Variants in ZIC4 observed in about 807,000 individuals in gnomAD.
The protein encoded by ZIC4 is zinc finger protein ZIC 4.
In ZIC4, 15 loss-of-function variants were observed where a neutral mutation model predicts 28.8. That is an observed-to-expected ratio of 0.52 (90% CI 0.35 to 0.80). The LOEUF (loss-of-function observed/expected upper bound fraction) is 0.80, where lower values mean the gene tolerates loss of function less well. Among genes scored for constraint, ZIC4 ranks in the 30% least tolerant of loss-of-function variants. The probability of loss-of-function intolerance (pLI) is 0.01; values close to 1 mark genes in which losing one functional copy is unlikely to be tolerated. For missense variants in ZIC4, 512 were observed against 467.1 expected, an observed-to-expected ratio of 1.10 and a Z score of -0.89; for synonymous variants, 220 against 198.1, an observed-to-expected ratio of 1.11 and a Z score of -0.93.
At chr3:147,388,967 C>T in intron 4 of ZIC4, 108 bp from the exon 5 acceptor site, 1 of 711,042 alleles carries the variant, frequency 1.4e-6, no homozygotes. Context: ...AGCTTAGAAA[C>T]AGAAGACAAA....
At chr3:147,404,372 G>A in intron 1 of ZIC4, 1 of 1,063,552 alleles carries the variant, frequency 9.4e-7, no homozygotes. Flanking sequence ...AGGCAACAGG[G>A]ACCTTAGGAG....
chr3:147,405,562 A>G (rs2087257180), intron 1 of ZIC4: 1 of 1,361,600 alleles, frequency 7.3e-7, no homozygotes, highest in Non-Finnish European at 1.0e-6. Context: ...CCTAATTTCC[A>G]ATGCCCCTGG....
At chr3:147,400,543 T>A (rs1432104895) in intron 2 of ZIC4, among the ~76,000 whole-genome samples, 1 of 152,198 alleles carries the variant, frequency 6.6e-6, no homozygotes. Flanking sequence ...GGTTGCCTGA[T>A]CTTTGCAAGT....
intron 1 of ZIC4, chr3:147,403,675 A>G (rs183803822): frequency 1.3e-5 from 3 of 231,626 alleles, no homozygotes; most frequent in African/African-American, 4.5e-5. Context: ...TGGCCTAGAA[A>G]GAAAAACAGT....
intron 2 of ZIC4, among the ~76,000 whole-genome samples, chr3:147,399,138 C>T (rs1296160279): frequency 6.6e-6 from 1 of 152,110 alleles, no homozygotes; most frequent in African/African-American, 2.4e-5. Context: ...ACCCCCACTC[C>T]CTACTCTCAA....
At chr3:147,405,327 G>A in intron 1 of ZIC4, 1 of 1,490,180 alleles carries the variant, frequency 6.7e-7, no homozygotes, top group Non-Finnish European at 9.0e-7. Context: ...GCAGTGGTGT[G>A]GGTCGCTGCG....
chr3:147,403,962 ACC>A, intron 1 of ZIC4: 1 of 1,536,154 alleles, frequency 6.5e-7, no homozygotes. Context: ...GGGTAGACTC[ACC>A]TTTTCCCAGA....
Position 147,405,771 on chromosome 3 carries a change from C to A in ZIC4, c.-16+592G>T, listed in dbSNP as rs189219723. ...GCAAGGAGCCGCCCTGAGGTGGACT[C>A]AGGCGGCATCTGCCGTCAGGTTGGG... On this transcript the variant is annotated intron_variant, in intron 1 of 4. Transcript: ENST00000383075. 4 of 461,800 alleles carry A rather than the reference C, an allele frequency of 8.7e-6. No individual in the cohort carries two copies. In the Admixed American group the frequency reaches 1.5e-4, roughly 17 times the overall value. The allele number at this position is 461,800 out of a possible 1,614,324, so 28.6% of individuals were successfully genotyped here.
At chr3:147,393,760 T>A (rs2086977063) in intron 3 of ZIC4, 1 of 391,060 alleles carries the variant, frequency 2.6e-6, no homozygotes, top group Non-Finnish European at 5.1e-6. Context: ...GAAGGTGTGG[T>A]GAGCTCCCGG....
chr3:147,390,417 G>T (rs1015404088), intron 4 of ZIC4, among the ~76,000 whole-genome samples: 4 of 152,042 alleles, frequency 2.6e-5, no homozygotes, highest in Non-Finnish European at 5.9e-5. Context: ...GGGTTAGAGT[G>T]GGGGTGGGAG....
At chr3:147,391,423 G>T in intron 3 of ZIC4, 177 bp from the exon 4 acceptor site, 4 of 761,332 alleles carry the variant, frequency 5.3e-6, no homozygotes, top group Non-Finnish European at 8.1e-6. Context: ...GAGCGCCCCC[G>T]GTGCCCTCTC....
At chr3:147,400,525 G>A (rs1486871501) in intron 2 of ZIC4, among the ~76,000 whole-genome samples, 1 of 152,152 alleles carries the variant, frequency 6.6e-6, no homozygotes, top group Non-Finnish European at 1.5e-5. Context: ...AGACCTGCAG[G>A]TCACTGAGGT....
chr3:147,400,852 G>T lies in ZIC4; in HGVS notation c.70+1876C>A, dbSNP rs529355820. Reference sequence around the variant, plus strand: ...GGCTAAGGAATGGTGTCTCCTCAGTGCTCTTCAGATTTTTTTTCCAGAAAC... The same window carrying T: ...GGCTAAGGAATGGTGTCTCCTCAGTTCTCTTCAGATTTTTTTTCCAGAAAC... On this transcript the variant is annotated intron_variant, in intron 2 of 4. Transcript: ENST00000383075. Among the ~76,000 whole-genome samples the T allele has an allele frequency of 2.6e-3, 396 of 150,108 alleles. 1 individual carries two copies. The highest frequency in any genetic ancestry group is 4.8e-3 in the Non-Finnish European group (321 of 66,638).
intron 1 of ZIC4, among the ~76,000 whole-genome samples, chr3:147,404,687 G>A (rs190456650): frequency 2.0e-5 from 3 of 152,342 alleles, no homozygotes; most frequent in Admixed American, 6.5e-5. Context: ...CTTGAGAAGA[G>A]GAACGGGTGC....
chr3:147,405,203 G>A (rs1447871510), intron 1 of ZIC4, among the ~76,000 whole-genome samples: 1 of 152,196 alleles, frequency 6.6e-6, no homozygotes, highest in Non-Finnish European at 1.5e-5. Flanking sequence ...GGCAGCATCC[G>A]GGTGCCCAGA....
At chr3:147,404,514 G>A (rs1559966434) in intron 1 of ZIC4, among the ~76,000 whole-genome samples, 1 of 152,180 alleles carries the variant, frequency 6.6e-6, no homozygotes, top group African/African-American at 2.4e-5. Context: ...GAATTTGGGA[G>A]CAATCCTGGG....
chr3:147,402,518 C>G (rs1216523426), intron 2 of ZIC4, among the ~76,000 whole-genome samples: 1 of 152,112 alleles, frequency 6.6e-6, no homozygotes, highest in African/African-American at 2.4e-5. Flanking sequence ...GATTAGCTGG[C>G]TGCTGGTGGG....
intron 2 of ZIC4, among the ~76,000 whole-genome samples, chr3:147,399,100 A>G (rs1190863988): frequency 6.6e-6 from 1 of 152,064 alleles, no homozygotes; most frequent in African/African-American, 2.4e-5. Flanking sequence ...TAAAAAAAAA[A>G]AATTAGAGAA....
chr3:147,396,494 A>G lies in ZIC4; in HGVS notation c.71-25T>C, dbSNP rs754318028. ...CCTGTTGTCGAAACAAATAGCGCGC[A>G]TGAGAACGGGTGGCGTGGGCTGCGC... On this transcript the variant is annotated intron_variant, in intron 2 of 4. Transcript: ENST00000383075. The surrounding 1 kb of genome is among the most constrained non-coding windows in gnomAD (Gnocchi z 4.2). 3 of 1,500,636 alleles carry G rather than the reference A, an allele frequency of 2.0e-6. No individual in the cohort carries two copies. Among genetic ancestry groups the G allele is most frequent in the African/African-American group, 1.4e-5 (1 of 71,446 alleles). 93.0% of individuals were successfully genotyped at this position (1,500,636 alleles called of 1,614,324 possible). A position where few individuals can be genotyped will look rare whatever the true frequency, so the allele number is the denominator to read the frequency against.
Sources: gnomAD v4.1 joint callset for allele counts (sites outside exome capture counted in the v4.1 genomes callset) on GRCh38, gnomAD v4.1.1 for gene constraint, Gnocchi (gnomAD v3.1) non-coding constraint, MANE v1.5 for transcripts, NCBI Gene and HGNC (gene_info 2026-07-23, HGNC 2026-07-21) for gene names.